ARAP1: variants seen among roughly 807,000 people sequenced by gnomAD.
ARAP1 encodes ArfGAP with RhoGAP domain, ankyrin repeat and PH domain 1.
Under a neutral mutation model 172.2 loss-of-function variants are expected in ARAP1, and 76 were observed. The ratio of observed to expected loss-of-function variants is 0.44; its 90% confidence interval spans 0.37 to 0.53. The LOEUF (loss-of-function observed/expected upper bound fraction) is 0.53, where lower values mean the gene tolerates loss of function less well. Among genes scored for constraint, ARAP1 ranks in the 20% least tolerant of loss-of-function variants. The pLI is 0.00. For synonymous variants in ARAP1, 804 were observed against 803.3 expected, an observed-to-expected ratio of 1.00 and a Z score of -0.01; for missense variants, 1,686 against 1,977.5, an observed-to-expected ratio of 0.85 and a Z score of 2.80.
intron 3 of ARAP1, among the ~76,000 whole-genome samples, chr11:72,717,918 C>T (rs531526447): frequency 2.0e-5 from 3 of 152,344 alleles, no homozygotes; most frequent in Non-Finnish European, 2.9e-5. Context: ...CAGGGCTCCT[C>T]TGAGGCCAGC....
chr11:72,716,130 G>A (rs974385516), intron 3 of ARAP1, among the ~76,000 whole-genome samples: 10 of 133,734 alleles, frequency 7.5e-5, no homozygotes, highest in African/African-American at 1.5e-4. Context: ...CCGAGATCGC[G>A]CCACTGCACT....
intron 15 of ARAP1, 22 bp from the exon 16 acceptor site, chr11:72,701,805 G>A: frequency 6.2e-7 from 1 of 1,611,278 alleles, no homozygotes; most frequent in Non-Finnish European, 8.5e-7. Flanking sequence ...GGGAAAGGAT[G>A]GCAGGTCATG....
intron 1 of ARAP1, among the ~76,000 whole-genome samples, chr11:72,744,895 C>T (rs1321264325): frequency 6.6e-6 from 1 of 152,146 alleles, no homozygotes; most frequent in African/African-American, 2.4e-5. Flanking sequence ...TTCAGACTCC[C>T]TAGGCTTAGC....
rs1856368735 is a variant in ARAP1 at position 72,699,362 on chromosome 11, A to G, written c.2438+55T>C. 6.2e-7 allele frequency: 1 copy of G among 1,608,328 alleles called. No homozygotes were observed. The highest frequency in any genetic ancestry group is 1.3e-5 in the African/African-American group (1 of 74,776). ...TCTGGGTCTATTTCCCTGTCTCCCC[A>G]GTGGGGGATTGTACCTTATAGCAAC... On this transcript the variant is annotated intron_variant, in intron 17 of 34. Coordinates refer to ENST00000393609, the MANE Select transcript of ARAP1 (RefSeq NM_001040118.3). This position sits in a 1 kb window ranked among gnomAD's most constrained non-coding sequence, Gnocchi z 4.2.
chr11:72,703,194 C>T (rs556987080), intron 14 of ARAP1, 115 bp from the exon 15 acceptor site: 19 of 1,017,606 alleles, frequency 1.9e-5, no homozygotes, highest in Admixed American at 6.1e-5. Context: ...TGGAGCAGTC[C>T]ATCCTCAGAC....
intron 1 of ARAP1, among the ~76,000 whole-genome samples, chr11:72,732,851 T>C (rs145076536): frequency 9.3e-4 from 142 of 152,110 alleles, no homozygotes; most frequent in African/African-American, 3.3e-3. Flanking sequence ...GGTGTGGTAG[T>C]GTGTGCCTGT....
intron 2 of ARAP1, among the ~76,000 whole-genome samples, chr11:72,730,116 C>T (rs1433891910): frequency 6.6e-6 from 1 of 152,018 alleles, no homozygotes; most frequent in Non-Finnish European, 1.5e-5. Flanking sequence ...ATATTCCACA[C>T]AAAGGGCTCA....
At chr11:72,751,424 C>T (rs1006202294) in intron 1 of ARAP1, among the ~76,000 whole-genome samples, 4 of 152,060 alleles carry the variant, frequency 2.6e-5, no homozygotes, top group African/African-American at 9.7e-5. Context: ...CTGTCCACAC[C>T]TGTCTTCAAG....
At chr11:72,721,627 G>C (rs928209778) in intron 3 of ARAP1, among the ~76,000 whole-genome samples, 1 of 152,104 alleles carries the variant, frequency 6.6e-6, no homozygotes, top group African/African-American at 2.4e-5. Flanking sequence ...AAAGCCCAGG[G>C]AAGAGGGAGG....
At chr11:72,704,385 T>C in intron 13 of ARAP1, 51 bp from the exon 14 acceptor site, 1 of 1,490,236 alleles carries the variant, frequency 6.7e-7, no homozygotes, top group Non-Finnish European at 8.9e-7. Context: ...CCAGGGGCCG[T>C]GCCGGGCAGA....
At chr11:72,711,305 T>G in intron 8 of ARAP1, 125 bp downstream of exon 8, 5 of 1,454,446 alleles carry the variant, frequency 3.4e-6, no homozygotes, top group South Asian at 2.5e-5. Context: ...CAGGAGGACA[T>G]GGGTTAAGGG....
At chr11:72,727,366 C>A (rs915342192) in intron 2 of ARAP1, among the ~76,000 whole-genome samples, 194 bp from the exon 3 acceptor site, 1 of 152,176 alleles carries the variant, frequency 6.6e-6, no homozygotes, top group Non-Finnish European at 1.5e-5. Context: ...CCGCCTGAAC[C>A]CCCTCACCCC....
chr11:72,744,426 C>CA (rs1239206010), intron 1 of ARAP1, among the ~76,000 whole-genome samples: 3 of 152,200 alleles, frequency 2.0e-5, no homozygotes, highest in African/African-American at 7.2e-5. Flanking sequence ...CACCCAGTCC[C>CA]ACCCAGTTAT....
intron 16 of ARAP1, chr11:72,700,489 C>T (rs941218662): frequency 3.3e-5 from 5 of 152,256 alleles, no homozygotes; most frequent in Admixed American, 1.3e-4. Flanking sequence ...GTCCTCAGGC[C>T]TGTCCCCGCA....
rs371143328 is a variant in ARAP1 at position 72,695,104 on chromosome 11, G to A, written c.3577-7C>T. The stretch of plus-strand genomic sequence containing the variant: ...CAGTCATGGATGCTGGGACCTGCAA[G>A]GACCAAGGAGGAGATTAGCCTGCCT... On this transcript the variant is annotated splice_polypyrimidine_tract_variant and splice_region_variant and intron_variant, in intron 26 of 34. Coordinates refer to ENST00000393609, the MANE Select transcript of ARAP1 (RefSeq NM_001040118.3). The surrounding 1 kb of genome is among the most constrained non-coding windows in gnomAD (Gnocchi z 4.4). 2 of 1,613,306 alleles carry A rather than the reference G, an allele frequency of 1.2e-6. No homozygotes were observed.
chr11:72,709,756 C>CGGGGCAGGGT, intron 11 of ARAP1, 114 bp downstream of exon 11: 1 of 1,084,524 alleles, frequency 9.2e-7, no homozygotes, highest in Non-Finnish European at 1.4e-6. Flanking sequence ...TGGGGCAGGG[C>CGGGGCAGGGT]GGGGCAGGGT....
At position 72,707,165 on chromosome 11, in the gene ARAP1, A is replaced by G. The variant is rs1408725043; in HGVS notation, c.1723+10T>C. 1 of 1,568,768 alleles carries G rather than the reference A, an allele frequency of 6.4e-7. No homozygotes were observed. The highest frequency in any genetic ancestry group is 8.7e-7 in the Non-Finnish European group (1 of 1,155,124). On this transcript the variant is annotated intron_variant, in intron 12 of 34. Coordinates refer to ENST00000393609, the MANE Select transcript of ARAP1 (RefSeq NM_001040118.3). ...GCCTCTGCCTGGTGCCCCGACCCCC[A>G]TGCACACACCTGCACAGCGCTTGCA...
At chr11:72,696,728 C>A in intron 22 of ARAP1, 74 bp from the exon 23 acceptor site, 1 of 1,260,466 alleles carries the variant, frequency 7.9e-7, no homozygotes, top group Non-Finnish European at 1.1e-6. Flanking sequence ...GGCTGCTGTG[C>A]CTCTCATGGT....
chr11:72,715,409 T>C (rs977935825), intron 3 of ARAP1, among the ~76,000 whole-genome samples: 1 of 152,094 alleles, frequency 6.6e-6, no homozygotes, highest in African/African-American at 2.4e-5. Flanking sequence ...TCCTGGCTGA[T>C]GGTGTGGGGC....
Sources: allele counts gnomAD v4.1 joint callset (sites outside exome capture counted in the v4.1 genomes callset), GRCh38; gene constraint gnomAD v4.1.1; non-coding constraint Gnocchi (gnomAD v3.1); transcripts MANE v1.5; gene names NCBI Gene and HGNC (gene_info 2026-07-23, HGNC 2026-07-21).